The following TTC17 variants were observed in gnomAD, a reference collection of about 807,000 sequenced individuals.
TTC17 encodes the protein tetratricopeptide repeat protein 17.
TTC17 carries 58 observed loss-of-function variants against 143.8 expected under a neutral mutation model. That is an observed-to-expected ratio of 0.40 (90% CI 0.33 to 0.50). The LOEUF (loss-of-function observed/expected upper bound fraction) is 0.50, where lower values mean the gene tolerates loss of function less well. TTC17 is among the 20% of genes least tolerant of loss of function. The pLI, the probability that TTC17 is intolerant of heterozygous loss-of-function variation, is 0.49. For missense variants in TTC17, 1,273 were observed against 1,392.5 expected (o/e 0.91, Z 1.37); for synonymous variants, 501 against 497.8 (o/e 1.01, Z -0.09).
chr11:43,439,262 G>A lies in TTC17; in HGVS notation c.2252-4063G>A, dbSNP rs181251820. 1.1e-3 allele frequency among the ~76,000 whole-genome samples: 169 copies of A among 152,178 alleles called. 1 individual carries two copies. The highest frequency in any genetic ancestry group is 3.4e-3 in the Middle Eastern group (1 of 294). On this transcript the variant is annotated intron_variant, in intron 16 of 23. Coordinates refer to ENST00000039989, the MANE Select transcript of TTC17 (RefSeq NM_018259.6). ...CTACTCTTCCTGCCACTGGATCCCC[G>A]TCGACTTCTTCAGTCTGTCTTCATT...
intron 13 of TTC17, 111 bp downstream of exon 13, chr11:43,406,062 A>G (rs1439058443): frequency 1.6e-6 from 2 of 1,255,436 alleles, no homozygotes; most frequent in South Asian, 1.6e-5. Flanking sequence ...TTAAGTGTAT[A>G]AAATGGAAGG....
chr11:43,469,624 T>A (rs530929441), intron 21 of TTC17, among the ~76,000 whole-genome samples: 1 of 152,346 alleles, frequency 6.6e-6, no homozygotes, highest in East Asian at 1.9e-4. Flanking sequence ...ATTCTAACTA[T>A]ATGAAATTCC....
At chr11:43,433,554 C>CT (rs1263311510) in intron 16 of TTC17, among the ~76,000 whole-genome samples, 11 of 152,138 alleles carry the variant, frequency 7.2e-5, no homozygotes, top group African/African-American at 2.7e-4. Flanking sequence ...CACAAGATGT[C>CT]TGAGTTTGAG....
chr11:43,447,850 A>G, intron 18 of TTC17, 152 bp from the exon 19 acceptor site: 1 of 894,018 alleles, frequency 1.1e-6, no homozygotes, highest in South Asian at 1.9e-5. Flanking sequence ...CGAGATTTTA[A>G]TTAGATCATA....
At chr11:43,387,551 A>T (rs1189984704) in intron 2 of TTC17, among the ~76,000 whole-genome samples, 2 of 152,184 alleles carry the variant, frequency 1.3e-5, no homozygotes, top group Non-Finnish European at 2.9e-5. Flanking sequence ...CAATAAGGTC[A>T]TGCTAAGTGA....
At position 43,401,607 on chromosome 11, in the gene TTC17, G is replaced by A. The variant is rs115591648; in HGVS notation, c.1332+49G>A. 468 of 1,333,216 alleles carry A rather than the reference G, an allele frequency of 3.5e-4. No individual in the cohort carries two copies. In the African/African-American group the frequency reaches 4.9e-3, roughly 14 times the overall value. The allele number at this position is 1,333,216 out of a possible 1,614,324, so 82.6% of individuals were successfully genotyped here. A position where few individuals can be genotyped will look rare whatever the true frequency, so the allele number is the denominator to read the frequency against. On this transcript the variant is annotated intron_variant, in intron 10 of 23. Transcript: ENST00000039989. ...TTCTTATAAACGTTTGCTTTATAAA[G>A]ATTTTTTAAAACTTTTGTTTTTCCT... is the stretch of plus-strand genomic sequence containing the variant.
intron 21 of TTC17, among the ~76,000 whole-genome samples, chr11:43,474,773 CAT>C (rs1388035679): frequency 5.3e-5 from 8 of 152,204 alleles, no homozygotes; most frequent in African/African-American, 1.9e-4. Flanking sequence ...CTTATGATAA[CAT>C]AAACAGTTGG....
intron 5 of TTC17, among the ~76,000 whole-genome samples, chr11:43,394,156 A>G (rs539458238): frequency 6.6e-6 from 1 of 152,338 alleles, no homozygotes; most frequent in Admixed American, 6.5e-5. Flanking sequence ...AGTCCGTAAC[A>G]GGTGGCATGC....
chr11:43,467,249 G>C (rs1947992298), intron 21 of TTC17, among the ~76,000 whole-genome samples: 1 of 152,180 alleles, frequency 6.6e-6, no homozygotes, highest in African/African-American at 2.4e-5. Flanking sequence ...ACCATTCACA[G>C]TAGCCAAGAG....
chr11:43,391,411 TAA>T (rs1196685973), intron 3 of TTC17, 52 bp from the exon 4 acceptor site: 7 of 1,193,568 alleles, frequency 5.9e-6, no homozygotes, highest in Non-Finnish European at 8.6e-6. Context: ...AATAAATAAA[TAA>T]AATATTGTTT....
chr11:43,433,451 C>G (rs1247074487), intron 16 of TTC17, among the ~76,000 whole-genome samples: 1 of 152,148 alleles, frequency 6.6e-6, no homozygotes, highest in Admixed American at 6.5e-5. Context: ...CTCCTGTTCT[C>G]CTCCCGATTC....
In TTC17 at chr11:43,396,779, T is replaced by C; in HGVS notation, c.734T>C (p.Val245Ala). The C allele has an allele frequency of 1.2e-6, 2 of 1,611,242 alleles. No homozygotes were observed. Among genetic ancestry groups the C allele is most frequent in the Non-Finnish European group, 1.7e-6 (2 of 1,177,806 alleles). Residue 245 changes from valine to alanine, a missense_variant, in exon 6 of 24, where the codon GTA (valine) becomes GCA (alanine). Val to Ala is a moderately conservative substitution (Grantham distance 64). This residue lies in a region of TTC17 where 325 missense variants were observed against 444.2 expected (regional missense o/e 0.73). Transcript: ENST00000039989. ...AGAATTAAGAATGAGCCATATCAGG[T>C]AGTAGAATGTGCCATGCGAGCACTT... ...YWRIKNEPYQVVECAMRALHF... is the reference protein window; with the variant it reads ...YWRIKNEPYQAVECAMRALHF...
chr11:43,370,869 C>T (rs973834255), intron 1 of TTC17, among the ~76,000 whole-genome samples: 1 of 152,108 alleles, frequency 6.6e-6, no homozygotes, highest in African/African-American at 2.4e-5. Context: ...TGCAGTGGCA[C>T]GATCATGGCT....
At chr11:43,416,479 T>C (rs1677012235) in intron 16 of TTC17, among the ~76,000 whole-genome samples, 1 of 152,146 alleles carries the variant, frequency 6.6e-6, no homozygotes, top group Non-Finnish European at 1.5e-5. Flanking sequence ...TCTTAGTACA[T>C]GTAACTCATG....
chr11:43,367,682 C>T (rs775887659), intron 1 of TTC17, among the ~76,000 whole-genome samples: 4 of 151,808 alleles, frequency 2.6e-5, no homozygotes, highest in African/African-American at 4.8e-5. Flanking sequence ...AGCTGTACTC[C>T]TTGATAGCAG....
chr11:43,451,441 G>A (rs1278462969), intron 21 of TTC17, among the ~76,000 whole-genome samples, 176 bp downstream of exon 21: 1 of 152,024 alleles, frequency 6.6e-6, no homozygotes, highest in Non-Finnish European at 1.5e-5. Context: ...CTATCACTTG[G>A]GTAATATTCT....
chr11:43,434,166 GGGAC>G (rs1855108651), intron 16 of TTC17, among the ~76,000 whole-genome samples: 1 of 134,642 alleles, frequency 7.4e-6, no homozygotes, highest in Non-Finnish European at 1.6e-5. Flanking sequence ...TCCATGGGCG[GGGAC>G]ACACACACAC....
At chr11:43,448,175 C>T in intron 19 of TTC17, 53 bp downstream of exon 19, 1 of 1,601,584 alleles carries the variant, frequency 6.2e-7, no homozygotes, top group Non-Finnish European at 8.5e-7. Context: ...CCATTGAACC[C>T]AGCTGACTTT....
At chr11:43,429,765 G>T (rs1204310560) in intron 16 of TTC17, among the ~76,000 whole-genome samples, 4 of 152,114 alleles carry the variant, frequency 2.6e-5, no homozygotes, top group Non-Finnish European at 5.9e-5. Context: ...AAATACTATA[G>T]AAAAAGTCAC....
Sources: allele counts gnomAD v4.1 joint callset (sites outside exome capture counted in the v4.1 genomes callset), GRCh38; gene constraint gnomAD v4.1.1; regional missense constraint gnomAD v4.1.1; transcripts MANE v1.5; gene names NCBI Gene and HGNC (gene_info 2026-07-23, HGNC 2026-07-21).